Variants in TNIP2 observed in about 807,000 individuals in gnomAD.
The protein encoded by TNIP2 is TNFAIP3 interacting protein 2.
In TNIP2, 30 loss-of-function variants were observed where a neutral mutation model predicts 43.7. The ratio of observed to expected loss-of-function variants is 0.69; its 90% CI spans 0.51 to 0.93. The LOEUF is 0.93. Among genes scored for constraint, TNIP2 ranks in the 40% least tolerant of loss-of-function variants. TNIP2 has a pLI of 0.00. For synonymous variants in TNIP2, 260 were observed against 254.6 expected, an observed-to-expected ratio of 1.02 and a Z score of -0.20; for missense variants, 599 against 591.0, an observed-to-expected ratio of 1.01 and a Z score of -0.14.
intron 1 of TNIP2, among the ~76,000 whole-genome samples, chr4:2,753,251 C>T (rs556828705): frequency 1.3e-5 from 2 of 151,706 alleles, no homozygotes; most frequent in Admixed American, 6.6e-5. Context: ...CCAGCCTGGG[C>T]GACACAGCAA....
At chr4:2,754,347 T>C (rs556870179) in intron 1 of TNIP2, among the ~76,000 whole-genome samples, 6 of 152,398 alleles carry the variant, frequency 3.9e-5, no homozygotes, top group African/African-American at 1.2e-4. Context: ...TGTGGTGTTA[T>C]AGTTTATCAT....
In TNIP2 at chr4:2,747,668, C is replaced by A. The variant is rs1391272180; in HGVS notation, c.554G>T (p.Arg185Ile). 6.3e-7 allele frequency: 1 copy of A among 1,597,286 alleles called. No individual in the cohort carries two copies. The highest frequency in any genetic ancestry group is 1.7e-5 in the Admixed American group (1 of 59,994). The change falls in exon 2 of 6, where the codon AGA (arginine) becomes ATA (isoleucine). Residue 185 changes from arginine to isoleucine, a missense_variant. Coordinates refer to ENST00000315423, the MANE Select transcript of TNIP2 (RefSeq NM_024309.4). ...ACTGTGGCCTACCTGGTCAGGACTT[C>A]TCTCCCCCACATTCCTTTGTGCATG... ...RQHAQRNVGE[R>I]SPDQSEHTDG... is the part of the protein sequence containing the mutation.
chr4:2,747,476 T>C (rs1721978338), intron 2 of TNIP2, 179 bp downstream of exon 2: 1 of 685,470 alleles, frequency 1.5e-6, no homozygotes, highest in South Asian at 1.9e-5. Context: ...ACATTTTGCA[T>C]GTTCCATCAT....
At position 2,750,255 on chromosome 4, in the gene TNIP2, C is replaced by G. The variant is rs1022384650; in HGVS notation, c.277-2310G>C. Among the ~76,000 whole-genome samples, 7 of 152,200 alleles carry G rather than the reference C, an allele frequency of 4.6e-5. No homozygotes were observed. The South Asian group carries it at 6.2e-4, about 14-fold the overall frequency. ...CAGTTTCAGAAAAGTCACGGAGGAGCCCAAGCTTCCCCCAGAAGTGGCGGG... is the reference window on the plus strand; with the variant it reads ...CAGTTTCAGAAAAGTCACGGAGGAGGCCAAGCTTCCCCCAGAAGTGGCGGG... On this transcript the variant is annotated intron_variant, in intron 1 of 5. Transcript: ENST00000315423.
At position 2,756,175 on chromosome 4, in the gene TNIP2, C is replaced by T; in HGVS notation, c.115G>A (p.Ala39Thr). 6.8e-7 allele frequency: 1 copy of T among 1,477,286 alleles called. No individual in the cohort carries two copies. 91.5% of individuals were successfully genotyped at this position (1,477,286 alleles called of 1,614,324 possible). A position where few individuals can be genotyped will look rare whatever the true frequency, so the allele number is the denominator to read the frequency against. Reference protein sequence around the residue: ...QRLRRLQDQLAARDALIARLR... With the variant: ...QRLRRLQDQLTARDALIARLR... ...CGAGCGATGAGGGCGTCGCGGGCAG[C>T]GAGCTGGTCCTGCAGGCGGCGCAGC... Residue 39 changes from alanine to threonine, a missense_variant, in exon 1 of 6, where the codon GCT becomes ACT. Transcript: ENST00000315423.
chr4:2,742,547 C>T (rs768215784), intron 5 of TNIP2, 27 bp from the exon 6 acceptor site: 18 of 1,510,562 alleles, frequency 1.2e-5, no homozygotes, highest in South Asian at 3.9e-5. Flanking sequence ...GGTGTATATA[C>T]GTGGGCTGTG....
chr4:2,745,294 A>T, intron 3 of TNIP2, 152 bp downstream of exon 3: 1 of 657,812 alleles, frequency 1.5e-6, no homozygotes, highest in Non-Finnish European at 2.7e-6. Context: ...ACGTCGTTTT[A>T]AGCAAAAAAG....
At chr4:2,747,575 A>G in intron 2 of TNIP2, 80 bp downstream of exon 2, 1 of 1,485,650 alleles carries the variant, frequency 6.7e-7, no homozygotes, top group Non-Finnish European at 9.1e-7. Context: ...GCGCCCCCCC[A>G]CCTCTGTGAT....
intron 3 of TNIP2, 100 bp from the exon 4 acceptor site, chr4:2,745,045 TGA>T (rs1474072607): frequency 6.2e-6 from 9 of 1,443,336 alleles, no homozygotes; most frequent in Admixed American, 4.9e-5. Flanking sequence ...ATTCGCTGAG[TGA>T]GAGTTTCCTC....
intron 1 of TNIP2, among the ~76,000 whole-genome samples, chr4:2,751,512 T>A (rs947267255): frequency 6.6e-6 from 1 of 152,236 alleles, no homozygotes; most frequent in African/African-American, 2.4e-5. Context: ...TCCCAAAGCC[T>A]GTAATCCCAG....
intron 5 of TNIP2, among the ~76,000 whole-genome samples, chr4:2,742,826 C>G (rs907639637): frequency 1.3e-5 from 2 of 152,226 alleles, no homozygotes; most frequent in Non-Finnish European, 2.9e-5. Context: ...GAAGGTGGCC[C>G]TGATGACGTG....
intron 2 of TNIP2, 132 bp downstream of exon 2, chr4:2,747,523 G>A (rs1233905548): frequency 4.1e-5 from 37 of 896,244 alleles, no homozygotes; most frequent in Admixed American, 4.6e-5. Context: ...GCTTTGCCCC[G>A]TCAGCTGACT....
chr4:2,749,722 C>T (rs1168224935), intron 1 of TNIP2, among the ~76,000 whole-genome samples: 1 of 152,146 alleles, frequency 6.6e-6, no homozygotes, highest in East Asian at 1.9e-4. Flanking sequence ...TGCTTGAAGC[C>T]CCCCAGTTTG....
rs1488617678 is a variant in TNIP2, at chr4:2,756,315, C to G, written c.-26G>C. The G allele has an allele frequency of 6.7e-6, 8 of 1,200,640 alleles. No individual in the cohort carries two copies. In the African/African-American group the frequency reaches 1.3e-4, roughly 19 times the overall value. The allele number at this position is 1,200,640 out of a possible 1,614,324, so 74.4% of individuals were successfully genotyped here. ...GGCTGTAGGCCCGCCCGGGAGGCCG[C>G]GCGGCCGCCGGCAACTTCCGCGCCC... On this transcript the variant is annotated 5_prime_UTR_variant, in exon 1 of 6. Transcript: ENST00000315423.
At chr4:2,754,453 G>A (rs1722175530) in intron 1 of TNIP2, among the ~76,000 whole-genome samples, 1 of 152,258 alleles carries the variant, frequency 6.6e-6, no homozygotes. Context: ...GTCTCGCTCT[G>A]TCGCCCAGGC....
Position 2,744,963 on chromosome 4 carries a change from G to A in TNIP2, c.658-18C>T. 1 of 1,591,514 alleles carries A rather than the reference G, an allele frequency of 6.3e-7. No homozygotes were observed. The highest frequency in any genetic ancestry group is 1.7e-4 in the Middle Eastern group (1 of 5,968). On this transcript the variant is annotated intron_variant, in intron 3 of 5. Transcript: ENST00000315423. This position sits in a 1 kb window ranked among gnomAD's most constrained non-coding sequence, Gnocchi z 5.1. ...TCTTCAACCTGAAGAGGTGGAGCCG[G>A]AAAGCTCACGGTGAAGGCAGCTGAC...
Position 2,756,086 on chromosome 4 carries a change from C to A in TNIP2, c.204G>T (p.Leu68=). The A allele has an allele frequency of 6.6e-7, 1 of 1,526,272 alleles. No individual in the cohort carries two copies. The highest frequency in any genetic ancestry group is 8.7e-7 in the Non-Finnish European group (1 of 1,148,906). 94.5% of individuals were successfully genotyped at this position (1,526,272 alleles called of 1,614,324 possible). A position where few individuals can be genotyped will look rare whatever the true frequency, so the allele number is the denominator to read the frequency against. Residue 68 remains leucine, a synonymous_variant, in exon 1 of 6, where the codon CTG becomes CTT. Transcript: ENST00000315423. ...GCTCCCGGAAGCGCGCAACCTGCTC[C>A]AGCAGCGCGTCCACTAGGGACGGCG... is the stretch of plus-strand genomic sequence containing the variant. The part of the protein sequence containing the change: ...DAAPSLVDAL[L]EQVARFREQL...
chr4:2,748,314 T>TATAG (rs1168353127), intron 1 of TNIP2, among the ~76,000 whole-genome samples: 2 of 152,140 alleles, frequency 1.3e-5, no homozygotes, highest in African/African-American at 4.8e-5. Flanking sequence ...TAGCTGGGAT[T>TATAG]ATAGAGCCCA....
rs761516805 is a variant in TNIP2 at position 2,756,038 on chromosome 4, G to A, written c.252C>T (p.Gly84=). 9 of 1,548,236 alleles carry A rather than the reference G, an allele frequency of 5.8e-6. No homozygotes were observed. Among genetic ancestry groups the A allele is most frequent in the African/African-American group, 2.8e-5 (2 of 70,416 alleles). ...FREQLRRQEG[G]AAEAQMRQEI... is the part of the protein sequence containing the mutation. Reference sequence around the variant, plus strand: ...CCTGGCGCATCTGGGCCTCGGCGGCGCCGCCCTCCTGCCTTCGCAGCTGCT... The same window carrying A: ...CCTGGCGCATCTGGGCCTCGGCGGCACCGCCCTCCTGCCTTCGCAGCTGCT... Residue 84 remains glycine (G), a synonymous_variant, in exon 1 of 6, where the codon GGC becomes GGT. Coordinates refer to ENST00000315423, the MANE Select transcript of TNIP2 (RefSeq NM_024309.4).
Sources: gnomAD v4.1 joint callset for allele counts (sites outside exome capture counted in the v4.1 genomes callset) on GRCh38, gnomAD v4.1.1 for gene constraint, Gnocchi (gnomAD v3.1) non-coding constraint, MANE v1.5 for transcripts, NCBI Gene and HGNC (gene_info 2026-07-23, HGNC 2026-07-21) for gene names.